DEK: variants seen among roughly 807,000 people sequenced by gnomAD.
The protein encoded by DEK is DEK proto-oncogene.
In DEK, 28 loss-of-function variants were observed where a neutral mutation model predicts 46.8. That is an observed-to-expected ratio of 0.60 (90% CI 0.44 to 0.82). The LOEUF (loss-of-function observed/expected upper bound fraction) is 0.82, where lower values mean the gene tolerates loss of function less well. Ranked by LOEUF, DEK falls within the 40% of genes least tolerant of loss-of-function variation. The pLI, the probability that DEK is intolerant of heterozygous loss-of-function variation, is 0.00. For synonymous variants in DEK, 160 were observed against 144.5 expected, an observed-to-expected ratio of 1.11 and a Z score of -0.77; for missense variants, 416 against 430.6, an observed-to-expected ratio of 0.97 and a Z score of 0.30.
At position 18,259,837 on chromosome 6, in the gene DEK, A is replaced by AC. The variant is rs1374848218; in HGVS notation, c.146-1433_146-1432insG. Among the ~76,000 whole-genome samples the AC allele has an allele frequency of 3.3e-5, 5 of 152,252 alleles. No homozygotes were observed. The East Asian group carries it at 9.6e-4, about 29-fold the overall frequency. ...TTTAGTAATGTAAGGATTCGCACAG[A>AC]AAGAATACTTCAGGAGAAAGGGCTA... On this transcript the variant is annotated intron_variant, in intron 2 of 10. Transcript: ENST00000652689.
chr6:18,237,450 C>A lies in DEK; in HGVS notation c.829G>T (p.Val277Leu), dbSNP rs1790704726. 1 of 1,611,472 alleles carries A rather than the reference C, an allele frequency of 6.2e-7. No homozygotes were observed. The highest frequency in any genetic ancestry group is 1.3e-5 in the African/African-American group (1 of 74,640). The change falls in exon 8 of 11, where the codon GTG becomes TTG. Residue 277 changes from valine to leucine, a missense_variant. By Grantham distance (32) the Val-to-Leu change is conservative. Transcript: ENST00000652689. ...GCTTTCTTAACATTGGCACTTTTCA[C>A]AGATTTTTTACTTTTAGAAGTAGCT... is the stretch of plus-strand genomic sequence containing the variant. Reference protein sequence around the residue: ...QKATSKSKKSVKSANVKKADS... With the variant: ...QKATSKSKKSLKSANVKKADS...
intron 7 of DEK, among the ~76,000 whole-genome samples, chr6:18,243,723 A>G (rs953865992): frequency 3.9e-5 from 6 of 152,238 alleles, no homozygotes; most frequent in Non-Finnish European, 5.9e-5. Context: ...TGCTTGGAAA[A>G]TATCTTCTGT....
intron 8 of DEK, 24 bp from the exon 9 acceptor site, chr6:18,236,624 A>G (rs767820868): frequency 1.5e-6 from 2 of 1,366,540 alleles, no homozygotes; most frequent in South Asian, 3.2e-5. Context: ...AATAATAATA[A>G]TTTTTCTTAC....
chr6:18,258,365 T>G lies in DEK; in HGVS notation c.186A>C (p.Lys62Asn), dbSNP rs1230514090. The change falls in exon 3 of 11, where the codon AAA becomes AAC. Residue 62 changes from lysine to asparagine, a missense_variant. Lys to Asn is a moderately conservative substitution (Grantham distance 94, BLOSUM62 0). Transcript: ENST00000652689. ...AGACTTGCATTGTCAACCTCTCTAC[T>G]TTTTTCTTTTCCCTCTTGCCTTCCA... is the stretch of plus-strand genomic sequence containing the variant. ...LIVEGKREKK[K>N]VERLTMQVSS... 6.2e-7 allele frequency: 1 copy of G among 1,613,418 alleles called. No homozygotes were observed. Among genetic ancestry groups the G allele is most frequent in the South Asian group, 1.1e-5 (1 of 90,972 alleles).
At chr6:18,230,805 T>C (rs1281180903) in intron 9 of DEK, among the ~76,000 whole-genome samples, 5 of 152,120 alleles carry the variant, frequency 3.3e-5, no homozygotes, top group Non-Finnish European at 7.4e-5. Flanking sequence ...CACTGCAACA[T>C]TAGTCAGATC....
chr6:18,260,216 A>T (rs1336091645), intron 2 of DEK, among the ~76,000 whole-genome samples: 2 of 152,226 alleles, frequency 1.3e-5, no homozygotes, highest in African/African-American at 2.4e-5. Flanking sequence ...ACTCATAATG[A>T]CTAATACAAC....
intron 7 of DEK, 141 bp downstream of exon 7, chr6:18,249,510 T>C (rs1205644796): frequency 6.5e-6 from 8 of 1,239,862 alleles, no homozygotes; most frequent in South Asian, 2.4e-5. Flanking sequence ...GGAAAAGAAA[T>C]GGGTTCATAC....
chr6:18,249,903 A>G (rs1469163463), intron 6 of DEK, 64 bp from the exon 7 acceptor site: 1 of 1,488,528 alleles, frequency 6.7e-7, no homozygotes, highest in Non-Finnish European at 8.9e-7. Flanking sequence ...TCTCTTCTTG[A>G]AAACTTATCA....
At chr6:18,258,275 A>C (rs1481324683) in intron 3 of DEK, 29 bp downstream of exon 3, 7 of 1,574,508 alleles carry the variant, frequency 4.4e-6, no homozygotes, top group Non-Finnish European at 6.1e-6. Context: ...CTTTCACCAC[A>C]AAATGAAAGG....
At chr6:18,243,230 C>T (rs1422244746) in intron 7 of DEK, among the ~76,000 whole-genome samples, 1 of 152,164 alleles carries the variant, frequency 6.6e-6, no homozygotes, top group East Asian at 1.9e-4. Flanking sequence ...GATGTGAAAG[C>T]ACATGGTATA....
At position 18,264,485 on chromosome 6, in the gene DEK, T is replaced by C. The variant is rs752008938; in HGVS notation, c.-110A>G. The C allele has an allele frequency of 2.2e-5, 6 of 266,798 alleles. No individual in the cohort carries two copies. The highest frequency in any genetic ancestry group is 4.5e-5 in the Non-Finnish European group (6 of 133,644). 16.5% of individuals were successfully genotyped at this position (266,798 alleles called of 1,614,324 possible). A position where few individuals can be genotyped will look rare whatever the true frequency, so the allele number is the denominator to read the frequency against. On this transcript the variant is annotated 5_prime_UTR_variant, in exon 1 of 11. Coordinates refer to ENST00000652689, the MANE Select transcript of DEK (RefSeq NM_003472.4). Reference sequence around the variant, plus strand: ...AGGAGAAGGCGCGCGGGCCGCTGTCTGGCGTGACGCTCGCGCCGCGCGCTC... The same window carrying C: ...AGGAGAAGGCGCGCGGGCCGCTGTCCGGCGTGACGCTCGCGCCGCGCGCTC...
chr6:18,224,773 A>G lies in DEK; in HGVS notation c.*946T>C, dbSNP rs149949880. The G allele has an allele frequency of 1.8e-3, 377 of 213,434 alleles. 1 individual carries two copies. Among genetic ancestry groups the G allele is most frequent in the African/African-American group, 7.6e-3 (335 of 44,312 alleles). 13.2% of individuals were successfully genotyped at this position (213,434 alleles called of 1,614,324 possible). On this transcript the variant is annotated 3_prime_UTR_variant, in exon 11 of 11. Transcript: ENST00000652689. ...TTATATGGGCAAAAGCAGTTAATAAAAATCAGTTCATTTACTGTAAGCCAA... is the reference window on the plus strand; with the variant it reads ...TTATATGGGCAAAAGCAGTTAATAAGAATCAGTTCATTTACTGTAAGCCAA...
At chr6:18,226,276 A>T in intron 9 of DEK, 34 bp from the exon 10 acceptor site, 1 of 1,314,478 alleles carries the variant, frequency 7.6e-7, no homozygotes, top group South Asian at 1.5e-5. Context: ...TAATGTTAAA[A>T]GCAGATTTTA....
chr6:18,256,234 G>A (rs916785244), intron 5 of DEK, 127 bp downstream of exon 5: 30 of 744,730 alleles, frequency 4.0e-5, no homozygotes, highest in Non-Finnish European at 5.5e-5. Flanking sequence ...TGATACGCCC[G>A]CCTCAGCCTC....
chr6:18,233,034 A>AAAT (rs1790478142), intron 9 of DEK, among the ~76,000 whole-genome samples: 1 of 152,234 alleles, frequency 6.6e-6, no homozygotes, highest in African/African-American at 2.4e-5. Context: ...GAGCCCTCGG[A>AAAT]AATAATACCA....
chr6:18,232,085 ATCATATAAACAGAACCAAAG>A (rs1394625976), intron 9 of DEK, among the ~76,000 whole-genome samples: 4 of 152,360 alleles, frequency 2.6e-5, no homozygotes, highest in Admixed American at 1.3e-4. Flanking sequence ...AACGTAATCC[ATCATATAAACAGAACCAAAG>A]ACAAAAACCA....
chr6:18,248,381 C>T (rs73366554), intron 7 of DEK, among the ~76,000 whole-genome samples: 3,179 of 152,274 alleles, frequency 0.021, 108 homozygotes, highest in African/African-American at 0.072. Context: ...ACACAGTAGA[C>T]ACCAAATATT....
chr6:18,241,646 T>C (rs1790898971), intron 7 of DEK, among the ~76,000 whole-genome samples: 1 of 152,232 alleles, frequency 6.6e-6, no homozygotes, highest in African/African-American at 2.4e-5. Flanking sequence ...CCACATAAAA[T>C]GAAAAGCACA....
chr6:18,253,388 T>TA (rs2151091244), intron 6 of DEK, among the ~76,000 whole-genome samples: 1 of 152,358 alleles, frequency 6.6e-6, no homozygotes, highest in Non-Finnish European at 1.5e-5. Flanking sequence ...GTGAACTTGA[T>TA]AGTTTACCAA....
Sources: gnomAD v4.1 joint callset for allele counts (sites outside exome capture counted in the v4.1 genomes callset) on GRCh38, gnomAD v4.1.1 for gene constraint, MANE v1.5 for transcripts, NCBI Gene and HGNC (gene_info 2026-07-23, HGNC 2026-07-21) for gene names.